KCNN2: variants seen among roughly 807,000 people sequenced by gnomAD.
The protein encoded by KCNN2 is small conductance calcium-activated potassium channel protein 2.
In KCNN2, 24 loss-of-function variants were observed where a neutral mutation model predicts 55.5. That is an observed-to-expected ratio of 0.43 (90% CI 0.31 to 0.61). The LOEUF (loss-of-function observed/expected upper bound fraction) is 0.61, where lower values mean the gene tolerates loss of function less well. KCNN2 is among the 20% of genes least tolerant of loss of function. The pLI, the probability that KCNN2 is intolerant of heterozygous loss-of-function variation, is 0.08. For missense variants in KCNN2, 754 were observed against 853.6 expected (o/e 0.88, Z 1.45); for synonymous variants, 431 against 336.1 (o/e 1.28, Z -3.09).
At chr5:114,399,098 A>G (rs772466350) in intron 2 of KCNN2, among the ~76,000 whole-genome samples, 5 of 152,186 alleles carry the variant, frequency 3.3e-5, no homozygotes, top group Non-Finnish European at 7.4e-5. Flanking sequence ...GAGTGGTAAG[A>G]GAGGACATCT....
rs76955487 is a variant in KCNN2 at position 114,135,024 on chromosome 5, A to G, written c.-271+78524A>G. Reference sequence around the variant, plus strand: ...AAACTCTAGTAAAATAAAGAAATGTAGAAAGATTTTTAAAAGGCATAAGAT... The same window carrying G: ...AAACTCTAGTAAAATAAAGAAATGTGGAAAGATTTTTAAAAGGCATAAGAT... On this transcript the variant is annotated intron_variant, in intron 1 of 10. Coordinates refer to the KCNN2 transcript ENST00000512097. 6.3e-3 allele frequency among the ~76,000 whole-genome samples: 957 copies of G among 152,324 alleles called. 14 individuals carry two copies. The highest frequency in any genetic ancestry group is 0.022 in the African/African-American group (934 of 41,572).
At chr5:114,363,656 G>T (rs1482881376) in intron 1 of KCNN2, among the ~76,000 whole-genome samples, 4 of 152,142 alleles carry the variant, frequency 2.6e-5, no homozygotes, top group African/African-American at 9.7e-5. Context: ...GCTCGCTTCG[G>T]TCCTCTATGG....
chr5:114,327,871 G>A (rs1286545621), intron 2 of KCNN2, among the ~76,000 whole-genome samples: 1 of 152,190 alleles, frequency 6.6e-6, no homozygotes, highest in Non-Finnish European at 1.5e-5. Context: ...AGTTAGTACT[G>A]TTTTAATCCT....
chr5:114,219,279 G>A (rs13186297), intron 1 of KCNN2, among the ~76,000 whole-genome samples: 65,747 of 152,004 alleles, frequency 0.43, 15,026 homozygotes, highest in Middle Eastern at 0.55. Flanking sequence ...GCTGCCCTCC[G>A]CCAGCAAGGA....
intron 3 of KCNN2, among the ~76,000 whole-genome samples, chr5:114,453,292 C>T (rs1054074269): frequency 6.6e-6 from 1 of 152,188 alleles, no homozygotes; most frequent in African/African-American, 2.4e-5. Context: ...TTTCATCCCT[C>T]CCCTGTACAA....
At chr5:114,190,919 G>T (rs549078349) in intron 1 of KCNN2, among the ~76,000 whole-genome samples, 41 of 152,182 alleles carry the variant, frequency 2.7e-4, no homozygotes, top group African/African-American at 9.1e-4. Flanking sequence ...AGCTCCCTTC[G>T]ACACTCTTGG....
upstream of KCNN2, among the ~76,000 whole-genome samples, chr5:114,361,637 C>T (rs922613303): frequency 1.3e-5 from 1 of 76,196 alleles, no homozygotes; most frequent in Non-Finnish European, 2.8e-5. Context: ...CCACACCGTC[C>T]CTGAGCCTGC....
intron 1 of KCNN2, among the ~76,000 whole-genome samples, chr5:114,083,421 A>C (rs1016602160): frequency 6.6e-6 from 1 of 152,046 alleles, no homozygotes; most frequent in Non-Finnish European, 1.5e-5. Flanking sequence ...CGTTAGTTGA[A>C]TCTCAAAAGT....
At chr5:114,470,688 C>T (rs543378370) in intron 4 of KCNN2, among the ~76,000 whole-genome samples, 3 of 152,128 alleles carry the variant, frequency 2.0e-5, no homozygotes, top group African/African-American at 4.8e-5. Flanking sequence ...AACATCACAC[C>T]CTCTGCCTTT....
chr5:114,070,981 C>A (rs990164894), intron 1 of KCNN2, among the ~76,000 whole-genome samples: 1 of 152,230 alleles, frequency 6.6e-6, no homozygotes, highest in South Asian at 2.1e-4. Context: ...TTTAAATTGG[C>A]TACTTTTTAA....
intron 1 of KCNN2, among the ~76,000 whole-genome samples, chr5:114,200,835 T>A (rs965292146): frequency 6.6e-6 from 1 of 152,142 alleles, no homozygotes; most frequent in African/African-American, 2.4e-5. Flanking sequence ...TGGTTATTAG[T>A]TCAGGTTGTG....
chr5:114,323,912 G>T (rs1756666003), intron 2 of KCNN2, among the ~76,000 whole-genome samples: 1 of 151,902 alleles, frequency 6.6e-6, no homozygotes, highest in African/African-American at 2.4e-5. Flanking sequence ...CTCCCAAAGT[G>T]CTGGGAGCCA....
At chr5:114,434,206 A>G (rs981418926) in intron 3 of KCNN2, among the ~76,000 whole-genome samples, 1 of 151,256 alleles carries the variant, frequency 6.6e-6, no homozygotes, top group African/African-American at 2.4e-5. Flanking sequence ...GGAGGTTTCT[A>G]TTGAAATATC....
intron 2 of KCNN2, among the ~76,000 whole-genome samples, chr5:114,236,970 A>C (rs777750186): frequency 7.9e-5 from 12 of 152,154 alleles, no homozygotes; most frequent in Non-Finnish European, 1.8e-4. Flanking sequence ...ACCACATCAT[A>C]GTCATCAAGC....
At chr5:114,088,193 A>T (rs938853767) in intron 1 of KCNN2, among the ~76,000 whole-genome samples, 5 of 152,082 alleles carry the variant, frequency 3.3e-5, no homozygotes, top group Admixed American at 6.6e-5. Flanking sequence ...ACAAACAGAC[A>T]TTTATTGTTT....
intron 1 of KCNN2, among the ~76,000 whole-genome samples, chr5:114,080,934 A>G (rs536042546): frequency 2.0e-5 from 3 of 152,304 alleles, no homozygotes; most frequent in South Asian, 4.1e-4. Context: ...AGAAAACCCT[A>G]AAGATTCCGC....
At chr5:114,191,021 A>G (rs1184918027) in intron 1 of KCNN2, among the ~76,000 whole-genome samples, 1 of 152,150 alleles carries the variant, frequency 6.6e-6, no homozygotes, top group Non-Finnish European at 1.5e-5. Flanking sequence ...GAGATTACAG[A>G]ATGGAGTAGA....
chr5:114,236,527 G>T (rs1036311434), intron 2 of KCNN2, among the ~76,000 whole-genome samples: 3 of 151,956 alleles, frequency 2.0e-5, no homozygotes, highest in African/African-American at 4.8e-5. Context: ...CTATACTCTG[G>T]TTTCTCTTCA....
rs1236304132 is a variant in KCNN2 at position 114,495,934 on chromosome 5, G to A, written c.2128G>A (p.Glu710Lys). ...IMYDMISDLN[E>K]RSEDFEKRIV... ...GTATGATATGATTTCTGACTTAAAC[G>A]AAAGGAGTGAAGACTTCGAGAAGAG... Residue 710 changes from glutamate to lysine, a missense_variant, in exon 8 of 8, where the codon GAA becomes AAA. Around this residue, in one of 4 missense-constraint regions of KCNN2, gnomAD observed 164 missense variants for 156.6 expected, o/e 1.05. Coordinates refer to ENST00000673685, the MANE Select transcript of KCNN2 (RefSeq NM_021614.4). 1.2e-6 allele frequency: 2 copies of A among 1,613,822 alleles called. No individual in the cohort carries two copies. The highest frequency in any genetic ancestry group is 1.7e-5 in the Admixed American group (1 of 59,986).
Sources: allele counts gnomAD v4.1 joint callset (sites outside exome capture counted in the v4.1 genomes callset), GRCh38; gene constraint gnomAD v4.1.1; regional missense constraint gnomAD v4.1.1; transcripts MANE v1.5; gene names NCBI Gene and HGNC (gene_info 2026-07-23, HGNC 2026-07-21).